Variants in FGFR2 observed in about 807,000 individuals in gnomAD.
The protein encoded by FGFR2 is fibroblast growth factor receptor 2.
FGFR2 carries 19 observed loss-of-function variants against 95.9 expected under a neutral mutation model. The observed-to-expected ratio is 0.20, with a 90% CI of 0.14 to 0.29. The LOEUF is 0.29. Ranked by LOEUF, FGFR2 falls within the 10% of genes least tolerant of loss-of-function variation. FGFR2 has a pLI of 1.00. For missense variants in FGFR2, 707 were observed against 1,056.9 expected (o/e 0.67, Z 4.59); for synonymous variants, 392 against 393.3 (o/e 1.00, Z 0.04).
chr10:121,498,407 G>T, intron 12 of FGFR2, 88 bp downstream of exon 12: 1 of 868,216 alleles, frequency 1.2e-6, no homozygotes. Context: ...GGTGCTCTGG[G>T]AGCAGGATCT....
chr10:121,484,319 T>C (rs1194644022), intron 16 of FGFR2, among the ~76,000 whole-genome samples: 1 of 152,204 alleles, frequency 6.6e-6, no homozygotes, highest in Non-Finnish European at 1.5e-5. Context: ...TGAATTAATC[T>C]GCCACCACTG....
Position 121,503,854 on chromosome 10 carries a change from T to A in FGFR2, c.1375A>T (p.Met459Leu), listed in dbSNP as rs370602437. ...TRLSSTADTPMLAGVSEYELP... is the reference protein window; with the variant it reads ...TRLSSTADTPLLAGVSEYELP... The stretch of plus-strand genomic sequence containing the variant: ...TCATACTCGGAGACCCCTGCCAGCA[T>A]GGGGGTGTCTGCCGTTGAAGAGAGG... The change falls in exon 10 of 18, where the codon ATG (methionine) becomes TTG (leucine). Residue 459 changes from methionine (M) to leucine (L), a missense_variant. By Grantham distance (15) the Met-to-Leu change is conservative. This residue lies in a region of FGFR2 where 194 missense variants were observed against 267.3 expected (regional missense o/e 0.73). Transcript: ENST00000358487. The A allele has an allele frequency of 3.1e-6, 5 of 1,613,910 alleles. No individual in the cohort carries two copies. In the African/African-American group the frequency reaches 5.3e-5, roughly 17 times the overall value.
intron 9 of FGFR2, among the ~76,000 whole-genome samples, chr10:121,506,410 C>T (rs7915209): frequency 0.021 from 3,230 of 150,428 alleles, 38 homozygotes; most frequent in African/African-American, 0.025. Flanking sequence ...CCGCAAATGG[C>T]CAGGGTCTGG....
At chr10:121,569,219 CTTTTCTTTT>C (rs746168499) in intron 2 of FGFR2, among the ~76,000 whole-genome samples, 16 of 137,888 alleles carry the variant, frequency 1.2e-4, no homozygotes, top group African/African-American at 4.5e-4. Flanking sequence ...CTTTTCTTTT[CTTTTCTTTT>C]TTTTTTTTTT....
chr10:121,494,270 C>T (rs577030962), intron 13 of FGFR2, among the ~76,000 whole-genome samples: 1 of 152,250 alleles, frequency 6.6e-6, no homozygotes, highest in Non-Finnish European at 1.5e-5. Context: ...TTCATTCCCA[C>T]ATTTACAGTC....
intron 2 of FGFR2, among the ~76,000 whole-genome samples, chr10:121,569,371 C>A (rs1167049847): frequency 6.6e-6 from 1 of 152,100 alleles, no homozygotes; most frequent in South Asian, 2.1e-4. Flanking sequence ...CAGGCGTGCA[C>A]CACCACACCC....
intron 5 of FGFR2, among the ~76,000 whole-genome samples, chr10:121,541,603 A>G (rs980297924): frequency 5.9e-5 from 9 of 152,206 alleles, no homozygotes; most frequent in Admixed American, 5.9e-4. Context: ...AAATGCACAT[A>G]CACCGTCTTT....
chr10:121,483,037 T>TC (rs1844961033), intron 17 of FGFR2, among the ~76,000 whole-genome samples: 1 of 152,242 alleles, frequency 6.6e-6, no homozygotes, highest in African/African-American at 2.4e-5. Context: ...CCTCAGGTGA[T>TC]CTGCCCTCCT....
chr10:121,570,105 C>T (rs112289175), intron 2 of FGFR2, among the ~76,000 whole-genome samples: 10 of 152,150 alleles, frequency 6.6e-5, no homozygotes, highest in African/African-American at 1.9e-4. Context: ...CCAGCACACA[C>T]GACACATATC....
chr10:121,481,413 C>T (rs868165675), intron 17 of FGFR2, among the ~76,000 whole-genome samples: 4 of 114,360 alleles, frequency 3.5e-5, no homozygotes, highest in African/African-American at 1.5e-4. Flanking sequence ...CACACACACA[C>T]ACACACACAA....
chr10:121,525,294 G>A (rs1167626184), intron 6 of FGFR2, among the ~76,000 whole-genome samples: 6 of 152,166 alleles, frequency 3.9e-5, no homozygotes, highest in African/African-American at 1.4e-4. Context: ...AAATTAAGAC[G>A]GAATGGAAAG....
chr10:121,524,763 C>T (rs1589855405), intron 6 of FGFR2, among the ~76,000 whole-genome samples: 1 of 152,178 alleles, frequency 6.6e-6, no homozygotes, highest in Admixed American at 6.5e-5. Context: ...CGTGGCCTGG[C>T]CCAGCGGGCA....
intron 6 of FGFR2, among the ~76,000 whole-genome samples, chr10:121,529,195 G>A (rs1031959047): frequency 1.3e-5 from 2 of 152,108 alleles, no homozygotes; most frequent in African/African-American, 4.8e-5. Context: ...TGCAACCTCC[G>A]CCTCCCACGT....
rs1245279321 is a variant in FGFR2, at chr10:121,517,560, G to C, written c.940-97C>G. 14 of 1,458,528 alleles carry C rather than the reference G, an allele frequency of 9.6e-6. No homozygotes were observed. The highest frequency in any genetic ancestry group is 7.0e-5 in the South Asian group (6 of 85,954). The allele number at this position is 1,458,528 out of a possible 1,614,324, so 90.3% of individuals were successfully genotyped here. A position where few individuals can be genotyped will look rare whatever the true frequency, so the allele number is the denominator to read the frequency against. On this transcript the variant is annotated intron_variant, in intron 7 of 17. Transcript: ENST00000358487. This position sits in a 1 kb window ranked among gnomAD's most constrained non-coding sequence, Gnocchi z 4.7. ...CAAGGCGTCGCACCGGGGGCTTCAG[G>C]GGGTGCTGGCCACTGGGAGATTCCG...
chr10:121,528,068 ACT>A (rs1284546432), intron 6 of FGFR2: 2 of 152,270 alleles, frequency 1.3e-5, no homozygotes, highest in South Asian at 4.1e-4. Flanking sequence ...CAATGGGTGA[ACT>A]CCCAATTAGA....
chr10:121,587,807 G>T (rs1259361248), intron 2 of FGFR2, among the ~76,000 whole-genome samples: 1 of 152,206 alleles, frequency 6.6e-6, no homozygotes, highest in Non-Finnish European at 1.5e-5. Flanking sequence ...GTGCAAATTA[G>T]CCCAATAATT....
chr10:121,562,506 G>A (rs930382414), intron 4 of FGFR2, among the ~76,000 whole-genome samples: 1 of 152,074 alleles, frequency 6.6e-6, no homozygotes, highest in African/African-American at 2.4e-5. Flanking sequence ...AGCTGGTCTC[G>A]AACTTTTGTT....
intron 17 of FGFR2, chr10:121,480,280 T>G: frequency 1.9e-6 from 1 of 533,354 alleles, no homozygotes; most frequent in Admixed American, 3.1e-5. Flanking sequence ...CAGGCTGTCC[T>G]TAGCTTTTCT....
chr10:121,570,950 T>C (rs1223786171), intron 2 of FGFR2, among the ~76,000 whole-genome samples: 1 of 152,216 alleles, frequency 6.6e-6, no homozygotes, highest in Non-Finnish European at 1.5e-5. Context: ...AAGTTTCAAA[T>C]ACTTGGGAAG....
Sources: allele counts gnomAD v4.1 joint callset (sites outside exome capture counted in the v4.1 genomes callset), GRCh38; gene constraint gnomAD v4.1.1; regional missense constraint gnomAD v4.1.1; non-coding constraint Gnocchi (gnomAD v3.1); transcripts MANE v1.5; gene names NCBI Gene and HGNC (gene_info 2026-07-23, HGNC 2026-07-21).